The following DYNC2LI1 variants were observed in gnomAD, a reference collection of about 807,000 sequenced individuals.
The protein encoded by DYNC2LI1 is cytoplasmic dynein 2 light intermediate chain 1.
In DYNC2LI1, 45 loss-of-function variants were observed where a neutral mutation model predicts 51.9. The observed-to-expected ratio is 0.87, with a 90% CI of 0.68 to 1.11. The LOEUF is 1.11. Among genes scored for constraint, DYNC2LI1 ranks in the 50% most tolerant of loss-of-function variants. DYNC2LI1 has a pLI of 0.00. For synonymous variants in DYNC2LI1, 130 were observed against 137.8 expected, an observed-to-expected ratio of 0.94 and a Z score of 0.40; for missense variants, 490 against 417.4, an observed-to-expected ratio of 1.17 and a Z score of -1.51.
the DYNC2LI1 span, among the ~76,000 whole-genome samples, chr2:43,820,257 T>A: frequency 6.6e-6 from 1 of 151,934 alleles, no homozygotes; most frequent in Non-Finnish European, 1.5e-5. Flanking sequence ...TGGAAAGGAG[T>A]CAACATGAGA....
At chr2:43,823,814 G>T in the DYNC2LI1 span, 7 of 1,415,882 alleles carry the variant, frequency 4.9e-6, no homozygotes, top group Non-Finnish European at 6.7e-6. Flanking sequence ...GTTTAGCTCA[G>T]AGAAAAACCC....
At chr2:43,792,795 T>C (rs1407066289) in intron 5 of DYNC2LI1, 1 of 1,530,658 alleles carries the variant, frequency 6.5e-7, no homozygotes, top group Non-Finnish European at 8.7e-7. Context: ...GCATAACGTC[T>C]TCAGGGTTCT....
downstream of DYNC2LI1, chr2:43,810,428 T>G: frequency 2.0e-6 from 2 of 985,406 alleles, no homozygotes; most frequent in Non-Finnish European, 2.4e-6. Context: ...AAACATCATG[T>G]GTTGCGGATA....
At chr2:43,798,661 G>A (rs1289120060) in intron 8 of DYNC2LI1, among the ~76,000 whole-genome samples, 1 of 152,192 alleles carries the variant, frequency 6.6e-6, no homozygotes, top group Non-Finnish European at 1.5e-5. Flanking sequence ...CCATGGCCCA[G>A]GAGATCAAAC....
rs1672895342 is a variant in DYNC2LI1, at chr2:43,774,067, G to A, written c.-72G>A. 3 of 1,602,426 alleles carry A rather than the reference G, an allele frequency of 1.9e-6. No individual in the cohort carries two copies. In the Admixed American group the frequency reaches 5.1e-5, roughly 27 times the overall value. ...AGGCCTCACTCCCAGACTCCTTGCG[G>A]AGCTCGCCGCCTGATTCTAGGCTGG... is the stretch of plus-strand genomic sequence containing the variant. On this transcript the variant is annotated 5_prime_UTR_variant, in exon 1 of 13. Transcript: ENST00000260605.
At chr2:43,825,611 T>TTGC in the DYNC2LI1 span, among the ~76,000 whole-genome samples, 3 of 151,196 alleles carry the variant, frequency 2.0e-5, no homozygotes, top group South Asian at 6.3e-4. Context: ...GTTGTTATTG[T>TTGC]TGTTGTTGTT....
chr2:43,787,392 A>C (rs1673574735), intron 4 of DYNC2LI1, 142 bp downstream of exon 4: 1 of 649,788 alleles, frequency 1.5e-6, no homozygotes, highest in South Asian at 2.2e-5. Context: ...TTAAACTTCA[A>C]ATGCAGTGTG....
At chr2:43,778,018 T>G (rs766260708) in intron 2 of DYNC2LI1, among the ~76,000 whole-genome samples, 3 of 152,218 alleles carry the variant, frequency 2.0e-5, no homozygotes, top group African/African-American at 4.8e-5. Context: ...ATGTTTTTAT[T>G]TTGTTTTTAA....
intron 10 of DYNC2LI1, 31 bp from the exon 11 acceptor site, chr2:43,804,611 C>A (rs1666179740): frequency 7.5e-7 from 1 of 1,324,688 alleles, no homozygotes; most frequent in Non-Finnish European, 1.1e-6. Context: ...TTAATCATTG[C>A]AGTCATTTGT....
At chr2:43,811,860 C>G (rs969077571), downstream of DYNC2LI1, among the ~76,000 whole-genome samples, 4 of 152,146 alleles carry the variant, frequency 2.6e-5, no homozygotes, top group Admixed American at 2.0e-4. Context: ...TCCCAAAGTG[C>G]TGGGATTACA....
At chr2:43,822,544 G>A in the DYNC2LI1 span, 99 of 981,882 alleles carry the variant, frequency 1.0e-4, no homozygotes, top group South Asian at 7.6e-4. Context: ...AGGCCCTGCC[G>A]TGAATGTGGG....
chr2:43,790,645 A>C (rs1216123033), intron 5 of DYNC2LI1, among the ~76,000 whole-genome samples: 1 of 152,204 alleles, frequency 6.6e-6, no homozygotes, highest in African/African-American at 2.4e-5. Context: ...TGAAAGACAC[A>C]AAGTAAAAGG....
downstream of DYNC2LI1, among the ~76,000 whole-genome samples, chr2:43,813,464 G>A (rs1666593571): frequency 6.6e-6 from 1 of 152,136 alleles, no homozygotes; most frequent in Non-Finnish European, 1.5e-5. Context: ...AGAGTGAGCA[G>A]TTCTGGCCTT....
intron 3 of DYNC2LI1, among the ~76,000 whole-genome samples, chr2:43,784,509 G>A (rs1307323467): frequency 2.0e-5 from 3 of 151,422 alleles, no homozygotes; most frequent in Admixed American, 6.6e-5. Context: ...GCGCCATCTC[G>A]GCTCACTGCA....
chr2:43,793,564 T>C (rs1673887709), intron 5 of DYNC2LI1: 1 of 152,148 alleles, frequency 6.6e-6, no homozygotes, highest in South Asian at 2.1e-4. Context: ...TCTGTATATC[T>C]TCTTTGGCGA....
At chr2:43,813,266 G>A (rs150716811), downstream of DYNC2LI1, 616 of 1,613,826 alleles carry the variant, frequency 3.8e-4, 3 homozygotes, top group Admixed American at 6.7e-5. Flanking sequence ...TTCCTTGAGT[G>A]AAGGCACACA....
In DYNC2LI1 at chr2:43,805,108, A is replaced by G. The variant is rs1258341336; in HGVS notation, c.901-46A>G. 3 of 1,293,496 alleles carry G rather than the reference A, an allele frequency of 2.3e-6. No individual in the cohort carries two copies. In the African/African-American group the frequency reaches 4.4e-5, roughly 19 times the overall value. The allele number at this position is 1,293,496 out of a possible 1,614,324, so 80.1% of individuals were successfully genotyped here. ...TTATTAGGCAGATGGTAGCCATTGA[A>G]TTTTGGTTTATGGGCGTGAAGTGAT... On this transcript the variant is annotated intron_variant, in intron 11 of 12. Transcript: ENST00000260605.
chr2:43,785,184 A>T, intron 3 of DYNC2LI1, among the ~76,000 whole-genome samples: 1 of 152,160 alleles, frequency 6.6e-6, no homozygotes, highest in East Asian at 1.9e-4. Flanking sequence ...CTGTAGTCCC[A>T]GCTACTCAGG....
At chr2:43,775,000 A>T (rs1672945654) in intron 1 of DYNC2LI1, among the ~76,000 whole-genome samples, 2 of 151,570 alleles carry the variant, frequency 1.3e-5, no homozygotes, top group African/African-American at 2.4e-5. Flanking sequence ...ACATTTAAGG[A>T]CTCCTGTTTT....
Sources: gnomAD v4.1 joint callset for allele counts (sites outside exome capture counted in the v4.1 genomes callset) on GRCh38, gnomAD v4.1.1 for gene constraint, MANE v1.5 for transcripts, NCBI Gene and HGNC (gene_info 2026-07-23, HGNC 2026-07-21) for gene names.